The following UNC93B1 variants were observed in gnomAD, a reference collection of about 807,000 sequenced individuals.
The protein encoded by UNC93B1 is protein unc-93 homolog B1.
UNC93B1 carries 33 observed loss-of-function variants against 56.8 expected under a neutral mutation model. That is an observed-to-expected ratio of 0.58 (90% confidence interval 0.44 to 0.78). The LOEUF is 0.78. Among genes scored for constraint, UNC93B1 ranks in the 30% least tolerant of loss-of-function variants. The pLI is 0.00. For synonymous variants in UNC93B1, 334 were observed against 358.6 expected, an observed-to-expected ratio of 0.93 and a Z score of 0.77; for missense variants, 673 against 819.5, an observed-to-expected ratio of 0.82 and a Z score of 2.18.
chr11:67,994,100 C>G (rs1258605168), intron 9 of UNC93B1, among the ~76,000 whole-genome samples: 1 of 152,230 alleles, frequency 6.6e-6, no homozygotes, highest in Non-Finnish European at 1.5e-5. Flanking sequence ...TGTCCTGTCC[C>G]CAACCCAGGT....
In UNC93B1 at chr11:67,996,711, A is replaced by G; in HGVS notation, c.980T>C (p.Ile327Thr). ...IDLRSVGWGNIFQLPFKHVRD... is the reference protein window; with the variant it reads ...IDLRSVGWGNTFQLPFKHVRD... ...CACGTGCTTGAAGGGCAGCTGGAAG[A>G]TGTTGCCCCAGCCCACGCTGCGCAG... Residue 327 changes from isoleucine (I) to threonine (T), a missense_variant, in exon 8 of 11, where the codon ATC becomes ACC. This residue lies in a region of UNC93B1 where 438 missense variants were observed against 465.9 expected (regional missense o/e 0.94). Transcript: ENST00000227471. 6.4e-7 allele frequency: 1 copy of G among 1,552,964 alleles called. No individual in the cohort carries two copies. Among genetic ancestry groups the G allele is most frequent in the South Asian group, 1.2e-5 (1 of 84,138 alleles).
intron 8 of UNC93B1, 119 bp downstream of exon 8, chr11:67,996,483 T>G: frequency 4.6e-6 from 6 of 1,299,604 alleles, no homozygotes; most frequent in South Asian, 3.5e-5. Context: ...AGGGGGATAT[T>G]TGGGATATAC....
In UNC93B1 at chr11:67,995,672, G is replaced by A. The variant is rs1287097253; in HGVS notation, c.1302C>T (p.Ile434=). The change falls in exon 9 of 11, where the codon ATC becomes ATT. Residue 434 remains isoleucine, a synonymous_variant. Transcript: ENST00000227471. ...CCCAAAGGGCAGCTGCCACATAGAGGATCCAGCTGTGTTGCAGGACCCGAG... is the reference window on the plus strand; with the variant it reads ...CCCAAAGGGCAGCTGCCACATAGAGAATCCAGCTGTGTTGCAGGACCCGAG... ...PVPRVLQHSW[I]LYVAAALWGV... 1 of 1,519,960 alleles carries A rather than the reference G, an allele frequency of 6.6e-7. No homozygotes were observed. Among genetic ancestry groups the A allele is most frequent in the Non-Finnish European group, 8.9e-7 (1 of 1,129,638 alleles). 94.2% of individuals were successfully genotyped at this position (1,519,960 alleles called of 1,614,324 possible).
chr11:67,998,482 C>T, intron 5 of UNC93B1, 30 bp from the exon 6 acceptor site: 2 of 1,611,534 alleles, frequency 1.2e-6, no homozygotes, highest in Non-Finnish European at 1.7e-6. Context: ...TGGGACCAGA[C>T]TCAGGCACAG....
At chr11:68,001,627 C>A (rs1458286844) in intron 3 of UNC93B1, among the ~76,000 whole-genome samples, 1 of 151,456 alleles carries the variant, frequency 6.6e-6, no homozygotes, top group East Asian at 1.9e-4. Context: ...TGCACTCTAA[C>A]CTGGGTGACA....
rs1856839835 is a variant in UNC93B1, at chr11:67,991,530, G to T, written c.*16C>A. 2.1e-6 allele frequency: 3 copies of T among 1,400,090 alleles called. No individual in the cohort carries two copies. Among genetic ancestry groups the T allele is most frequent in the Admixed American group, 6.6e-5 (2 of 30,414 alleles). The allele number at this position is 1,400,090 out of a possible 1,614,324, so 86.7% of individuals were successfully genotyped here. On this transcript the variant is annotated 3_prime_UTR_variant, in exon 11 of 11. Transcript: ENST00000227471. ...CCGGCGAGGAGGGAGGCTGAGTCCG[G>T]GGACCAGGCGGCCCCTCACTGCTCC...
In UNC93B1 at chr11:68,003,790, C is replaced by G; in HGVS notation, c.105G>C (p.Glu35Asp). 1 of 1,505,058 alleles carries G rather than the reference C, an allele frequency of 6.6e-7. No individual in the cohort carries two copies. 93.2% of individuals were successfully genotyped at this position (1,505,058 alleles called of 1,614,324 possible). A position where few individuals can be genotyped will look rare whatever the true frequency, so the allele number is the denominator to read the frequency against. ...TGTAGTTGGGGTACGCGCCCACCAG[C>G]TCGTCCAGCTGCGAGCCACGCACGC... ...VPDGPEAPLD[E>D]LVGAYPNYNE... Residue 35 changes from glutamate to aspartate, a missense_variant, in exon 2 of 11, where the codon GAG (glutamate) becomes GAC (aspartate). Coordinates refer to ENST00000227471, the MANE Select transcript of UNC93B1 (RefSeq NM_030930.4). The surrounding 1 kb of genome is among the most constrained non-coding windows in gnomAD (Gnocchi z 4.4).
rs1219323843 is a variant in UNC93B1 at position 68,003,608 on chromosome 11, C to A, written c.238+49G>T. 6.7e-7 allele frequency: 1 copy of A among 1,485,320 alleles called. No individual in the cohort carries two copies. The highest frequency in any genetic ancestry group is 2.1e-5 in the Admixed American group (1 of 46,606). 92.0% of individuals were successfully genotyped at this position (1,485,320 alleles called of 1,614,324 possible). A position where few individuals can be genotyped will look rare whatever the true frequency, so the allele number is the denominator to read the frequency against. On this transcript the variant is annotated intron_variant, in intron 2 of 10. Coordinates refer to ENST00000227471, the MANE Select transcript of UNC93B1 (RefSeq NM_030930.4). The surrounding 1 kb of genome is among the most constrained non-coding windows in gnomAD (Gnocchi z 4.4). ...CGGCCCGCGGTTTCTGTTTCCCGGGCCGGGCTGGGAGCGGGCGGGGCGGCC... is the reference window on the plus strand; with the variant it reads ...CGGCCCGCGGTTTCTGTTTCCCGGGACGGGCTGGGAGCGGGCGGGGCGGCC...
chr11:68,003,144 G>T lies in UNC93B1; in HGVS notation c.270C>A (p.Tyr90Ter). The T allele has an allele frequency of 6.2e-7, 1 of 1,613,114 alleles. No individual in the cohort carries two copies. Among genetic ancestry groups the T allele is most frequent in the Non-Finnish European group, 8.5e-7 (1 of 1,179,800 alleles). ...GLLQMQLILH[Y>*]DETYREVKYG... Reference sequence around the variant, plus strand: ...ACTTCACCTCGCGGTAGGTCTCGTCGTAGTGCAGGATCAGCTGCATCTGCA... The same window carrying T: ...ACTTCACCTCGCGGTAGGTCTCGTCTTAGTGCAGGATCAGCTGCATCTGCA... The change falls in exon 3 of 11, where the codon TAC (tyrosine) becomes TAA (stop). Residue 90 changes from tyrosine to a stop codon, truncating the protein, a stop_gained. Coordinates refer to ENST00000227471, the MANE Select transcript of UNC93B1 (RefSeq NM_030930.4). LOFTEE classifies it high-confidence loss of function. This position sits in a 1 kb window ranked among gnomAD's most constrained non-coding sequence, Gnocchi z 4.4.
rs4014599 is a variant in UNC93B1 at position 67,991,641 on chromosome 11, C to T, written c.1699G>A (p.Ala567Thr). Residue 567 changes from alanine to threonine, a missense_variant, in exon 11 of 11, where the codon GCA becomes ACA. By Grantham distance (58) the Ala-to-Thr change is moderately conservative. This residue lies in a region of UNC93B1 where 80 missense variants were observed against 85.3 expected (regional missense o/e 0.94). Coordinates refer to ENST00000227471, the MANE Select transcript of UNC93B1 (RefSeq NM_030930.4). ...GDGAEEEAPP[A>T]GPRPGPEPAG... Reference sequence around the variant, plus strand: ...GGCTCGGGGCCAGGCCTGGGCCCTGCGGGCGGCGCCTCCTCCTCCGCGCCG... The same window carrying T: ...GGCTCGGGGCCAGGCCTGGGCCCTGTGGGCGGCGCCTCCTCCTCCGCGCCG... The T allele has an allele frequency of 1.3e-4, 192 of 1,518,040 alleles. No homozygotes were observed. The highest frequency in any genetic ancestry group is 1.6e-4 in the Non-Finnish European group (180 of 1,139,970). The allele number at this position is 1,518,040 out of a possible 1,614,324, so 94.0% of individuals were successfully genotyped here.
Position 67,995,622 on chromosome 11 carries a change from G to T in UNC93B1, c.1352C>A (p.Thr451Asn). 2 of 1,362,876 alleles carry T rather than the reference G, an allele frequency of 1.5e-6. No individual in the cohort carries two copies. Among genetic ancestry groups the T allele is most frequent in the Non-Finnish European group, 1.9e-6 (2 of 1,036,560 alleles). 84.4% of individuals were successfully genotyped at this position (1,362,876 alleles called of 1,614,324 possible). ...LWGVGSALNKTGLSTLLGILY... is the reference protein window; with the variant it reads ...LWGVGSALNKNGLSTLLGILY... Reference sequence around the variant, plus strand: ...ACAGCTATACTCACTGCTGAGTCCAGTCTTGTTCAGGGCACTGCCCACACC... The same window carrying T: ...ACAGCTATACTCACTGCTGAGTCCATTCTTGTTCAGGGCACTGCCCACACC... The change falls in exon 9 of 11, where the codon ACT becomes AAT. Residue 451 changes from threonine (T) to asparagine (N), a missense_variant. By Grantham distance (65) the Thr-to-Asn change is moderately conservative. Coordinates refer to ENST00000227471, the MANE Select transcript of UNC93B1 (RefSeq NM_030930.4).
chr11:67,997,108 C>A (rs1430861455), intron 7 of UNC93B1, among the ~76,000 whole-genome samples: 2 of 152,068 alleles, frequency 1.3e-5, no homozygotes, highest in East Asian at 3.9e-4. Flanking sequence ...CTTCAACCTT[C>A]CTTCTCAGCC....
At chr11:67,992,192 C>G (rs1159127719) in intron 10 of UNC93B1, among the ~76,000 whole-genome samples, 2 of 152,400 alleles carry the variant, frequency 1.3e-5, no homozygotes, top group South Asian at 2.1e-4. Flanking sequence ...GCTCACAACA[C>G]TGTGTCCCTG....
At chr11:68,002,777 G>A (rs999942242) in intron 3 of UNC93B1, among the ~76,000 whole-genome samples, 1 of 152,212 alleles carries the variant, frequency 6.6e-6, no homozygotes, top group African/African-American at 2.4e-5. Flanking sequence ...GGCAAGCTGG[G>A]AGGGAGCTCA....
At position 67,991,572 on chromosome 11, in the gene UNC93B1, C is replaced by T. The variant is rs2375182; in HGVS notation, c.1768G>A (p.Gly590Arg). ...CACTGCTCCTCCGGCCCGTCTCCCC[C>T]CTGCGCCTGTTCGTACGGGCAGGGC... ...RRPCPYEQAQ[G>R]GDGPEEQ is the part of the protein sequence containing the mutation. Residue 590 changes from glycine (G) to arginine (R), a missense_variant, in exon 11 of 11, where the codon GGG becomes AGG. This residue lies in a region of UNC93B1 where 80 missense variants were observed against 85.3 expected (regional missense o/e 0.94). Transcript: ENST00000227471. 2.3e-4 allele frequency: 344 copies of T among 1,488,898 alleles called. 3 individuals are homozygous for T. In the South Asian group the frequency reaches 2.7e-3, roughly 12 times the overall value. 92.2% of individuals were successfully genotyped at this position (1,488,898 alleles called of 1,614,324 possible).
At position 67,994,506 on chromosome 11, in the gene UNC93B1, G is replaced by A. The variant is rs534414101; in HGVS notation, c.1364-712C>T. Among the ~76,000 whole-genome samples, 4 of 152,224 alleles carry A rather than the reference G, an allele frequency of 2.6e-5. No homozygotes were observed. In the East Asian group the frequency reaches 7.7e-4, roughly 29 times the overall value. ...CTCAGGATATGAACACTCCTGTTTT[G>A]GGGCCCTGCAGGGTGACTTTACCCC... On this transcript the variant is annotated intron_variant, in intron 9 of 10. Transcript: ENST00000227471.
intron 8 of UNC93B1, chr11:67,996,115 C>T (rs566960458): frequency 2.1e-5 from 4 of 186,404 alleles, no homozygotes; most frequent in East Asian, 1.1e-4. Context: ...CCCCGCATCG[C>T]GGGGGGGTGC....
chr11:67,998,593 C>T (rs1856991545), intron 5 of UNC93B1, 141 bp from the exon 6 acceptor site: 12 of 770,210 alleles, frequency 1.6e-5, no homozygotes, highest in East Asian at 1.3e-4. Flanking sequence ...GTTACAGGGC[C>T]GCCCAATGAG....
chr11:67,996,599 T>TA lies in UNC93B1; in HGVS notation c.1089+2dup. 4 of 1,545,290 alleles carry TA rather than the reference T, an allele frequency of 2.6e-6. No individual in the cohort carries two copies. The highest frequency in any genetic ancestry group is 3.5e-6 in the Non-Finnish European group (4 of 1,142,130). On this transcript the variant is annotated splice_region_variant and intron_variant, in intron 8 of 10. Transcript: ENST00000227471. ...CGGGCAATCCTTTGCAGGCTGTACT[T>TA]ACCAAGGCGATACCAGTGCAGGCAA...
Sources: allele counts gnomAD v4.1 joint callset (sites outside exome capture counted in the v4.1 genomes callset), GRCh38; gene constraint gnomAD v4.1.1; regional missense constraint gnomAD v4.1.1; non-coding constraint Gnocchi (gnomAD v3.1); transcripts MANE v1.5; gene names NCBI Gene and HGNC (gene_info 2026-07-23, HGNC 2026-07-21).